NTNG1: variants seen among roughly 807,000 people sequenced by gnomAD.
NTNG1 encodes netrin G1.
In NTNG1, 16 loss-of-function variants were observed where a neutral mutation model predicts 54.0. The observed-to-expected ratio is 0.30, with a 90% CI of 0.20 to 0.45. NTNG1 has a LOEUF of 0.45. NTNG1 is among the 20% of genes least tolerant of loss of function. The probability of loss-of-function intolerance (pLI) is 1.00; values close to 1 mark genes in which losing one functional copy is unlikely to be tolerated. For missense variants in NTNG1, 530 were observed against 678.7 expected, an observed-to-expected ratio of 0.78 and a Z score of 2.43; for synonymous variants, 255 against 263.1, an observed-to-expected ratio of 0.97 and a Z score of 0.30.
intron 7 of NTNG1, chr1:107,460,464 T>G (rs886443930): frequency 5.8e-6 from 3 of 516,002 alleles, no homozygotes; most frequent in African/African-American, 5.8e-5. Flanking sequence ...AGAAATCCAA[T>G]AGTTTTCTAT....
At chr1:107,201,426 G>A (rs1427636416) in intron 2 of NTNG1, among the ~76,000 whole-genome samples, 1 of 151,720 alleles carries the variant, frequency 6.6e-6, no homozygotes, top group African/African-American at 2.4e-5. Flanking sequence ...TTCCCTCATT[G>A]TGTTACAAGG....
intron 3 of NTNG1, among the ~76,000 whole-genome samples, chr1:107,394,189 C>T (rs1672539627): frequency 6.6e-6 from 1 of 152,094 alleles, no homozygotes; most frequent in Non-Finnish European, 1.5e-5. Context: ...CTGGTTGTGG[C>T]CATTCTGTCA....
intron 2 of NTNG1, among the ~76,000 whole-genome samples, chr1:107,241,193 A>C (rs183073312): frequency 1.7e-3 from 254 of 152,348 alleles, no homozygotes; most frequent in South Asian, 3.5e-3. Flanking sequence ...CAGTTCAAAA[A>C]TACAGTGATA....
chr1:107,372,978 A>G (rs980185768), intron 3 of NTNG1, among the ~76,000 whole-genome samples: 11 of 152,140 alleles, frequency 7.2e-5, no homozygotes, highest in African/African-American at 2.2e-4. Context: ...TAGTGTTAGC[A>G]TGATCTATTT....
intron 1 of NTNG1, among the ~76,000 whole-genome samples, chr1:107,144,572 T>C (rs928919575): frequency 6.6e-5 from 10 of 152,208 alleles, no homozygotes; most frequent in African/African-American, 2.4e-4. Context: ...ATGTAATATT[T>C]TGGGAGGCTT....
At chr1:107,294,459 T>C (rs934387398) in intron 2 of NTNG1, among the ~76,000 whole-genome samples, 5 of 152,220 alleles carry the variant, frequency 3.3e-5, no homozygotes, top group Non-Finnish European at 7.3e-5. Context: ...GTTCAGAGCA[T>C]GAATAGAAAG....
At chr1:107,478,881 C>T (rs552628992) in intron 7 of NTNG1, among the ~76,000 whole-genome samples, 1 of 152,350 alleles carries the variant, frequency 6.6e-6, no homozygotes, top group East Asian at 1.9e-4. Flanking sequence ...TGAGGCTAAC[C>T]ACCCTACATG....
At chr1:107,443,181 T>C (rs1191086038) in intron 7 of NTNG1, among the ~76,000 whole-genome samples, 3 of 152,214 alleles carry the variant, frequency 2.0e-5, no homozygotes, top group Non-Finnish European at 1.5e-5. Context: ...CCTCAGTTTA[T>C]AGTAAGAACC....
intron 3 of NTNG1, among the ~76,000 whole-genome samples, chr1:107,334,856 G>A (rs1011232166): frequency 7.2e-5 from 11 of 151,896 alleles, no homozygotes; most frequent in Non-Finnish European, 1.5e-4. Flanking sequence ...TAAGCATCAC[G>A]TAGAGGACCA....
chr1:107,365,930 C>G (rs1442437459), intron 3 of NTNG1, among the ~76,000 whole-genome samples: 3 of 152,152 alleles, frequency 2.0e-5, no homozygotes, highest in South Asian at 2.1e-4. Context: ...CACAGAAACT[C>G]AATTTTCTTT....
chr1:107,378,937 T>C (rs769024188), intron 3 of NTNG1, among the ~76,000 whole-genome samples: 17 of 152,240 alleles, frequency 1.1e-4, no homozygotes, highest in Admixed American at 2.6e-4. Context: ...CTCTTTGTCA[T>C]AAAGCTCTTG....
intron 5 of NTNG1, among the ~76,000 whole-genome samples, chr1:107,411,942 C>A (rs934629683): frequency 1.3e-5 from 2 of 152,106 alleles, no homozygotes; most frequent in Non-Finnish European, 2.9e-5. Context: ...AAGAACAAAT[C>A]GAATATTCCA....
At chr1:107,449,735 C>T (rs1254273883) in intron 7 of NTNG1, among the ~76,000 whole-genome samples, 3 of 150,254 alleles carry the variant, frequency 2.0e-5, no homozygotes, top group Non-Finnish European at 3.0e-5. Flanking sequence ...AAAAAAAAAC[C>T]TTCAAAAAGT....
chr1:107,470,914 T>C (rs1558024111), intron 7 of NTNG1, among the ~76,000 whole-genome samples: 1 of 152,206 alleles, frequency 6.6e-6, no homozygotes, highest in African/African-American at 2.4e-5. Flanking sequence ...AAAGGCTTTT[T>C]TTCAGGTTGC....
At chr1:107,201,149 G>T (rs1308342970) in intron 2 of NTNG1, among the ~76,000 whole-genome samples, 1 of 151,706 alleles carries the variant, frequency 6.6e-6, no homozygotes, top group Admixed American at 6.6e-5. Flanking sequence ...TCCTCTGAAT[G>T]TATAGTATTA....
At chr1:107,289,360 A>G (rs1470708043) in intron 2 of NTNG1, among the ~76,000 whole-genome samples, 1 of 152,152 alleles carries the variant, frequency 6.6e-6, no homozygotes, top group African/African-American at 2.4e-5. Flanking sequence ...CCAAATATTT[A>G]TAAAGTCCTC....
chr1:107,325,020 T>C (rs1023194856), intron 3 of NTNG1, 98 bp downstream of exon 3: 2 of 1,247,026 alleles, frequency 1.6e-6, no homozygotes, highest in African/African-American at 1.5e-5. Flanking sequence ...CAATTTCTAC[T>C]GCAACGTTTT....
chr1:107,468,234 C>T (rs966959350), intron 7 of NTNG1, among the ~76,000 whole-genome samples: 3 of 152,098 alleles, frequency 2.0e-5, no homozygotes, highest in Non-Finnish European at 4.4e-5. Context: ...AACACTCCTA[C>T]CAAGTATGTA....
At chr1:107,473,413 AAC>A (rs1318701996) in intron 7 of NTNG1, among the ~76,000 whole-genome samples, 1 of 152,212 alleles carries the variant, frequency 6.6e-6, no homozygotes, top group African/African-American at 2.4e-5. Context: ...AACAAGTGGC[AAC>A]ACCAAGTCCT....
Sources: gnomAD v4.1 joint callset for allele counts (sites outside exome capture counted in the v4.1 genomes callset) on GRCh38, gnomAD v4.1.1 for gene constraint, MANE v1.5 for transcripts, NCBI Gene and HGNC (gene_info 2026-07-23, HGNC 2026-07-21) for gene names.